Variants in WRN observed in about 807,000 individuals in gnomAD.
WRN encodes WRN RecQ like helicase.
Under a neutral mutation model 180.7 loss-of-function variants are expected in WRN, and 149 were observed. That is an observed-to-expected ratio of 0.82 (90% CI 0.72 to 0.94). WRN has a LOEUF of 0.94. Among genes scored for constraint, WRN ranks in the 40% least tolerant of loss-of-function variants. The probability of loss-of-function intolerance (pLI) is 0.00; values close to 1 mark genes in which losing one functional copy is unlikely to be tolerated. For missense variants in WRN, 1,661 were observed against 1,700.1 expected (o/e 0.98, Z 0.40); for synonymous variants, 548 against 568.9 (o/e 0.96, Z 0.52).
At chr8:31,104,179 A>G (rs1800996230) in intron 18 of WRN, among the ~76,000 whole-genome samples, 1 of 152,194 alleles carries the variant, frequency 6.6e-6, no homozygotes, top group East Asian at 1.9e-4. Flanking sequence ...AGCATTCTAC[A>G]TTCCTGTCAG....
At position 31,073,472 on chromosome 8, in the gene WRN, T is replaced by C. The variant is rs371807071; in HGVS notation, c.725-2701T>C. Among the ~76,000 whole-genome samples, 6 of 152,314 alleles carry C rather than the reference T, an allele frequency of 3.9e-5. No homozygotes were observed. In the East Asian group the frequency reaches 1.2e-3, roughly 29 times the overall value. ...AGAACAGGTTTGGGTGAGAAAACTT[T>C]AGATTTCAGTGTTGGATATCCTAAG... On this transcript the variant is annotated intron_variant, in intron 7 of 34. Transcript: ENST00000298139.
At chr8:31,168,092 A>C (rs1337234471) in intron 34 of WRN, among the ~76,000 whole-genome samples, 2 of 152,080 alleles carry the variant, frequency 1.3e-5, no homozygotes, top group Admixed American at 6.6e-5. Flanking sequence ...GAATTGCTTA[A>C]AAATAAGGGA....
intron 20 of WRN, among the ~76,000 whole-genome samples, chr8:31,116,996 A>G (rs921753161): frequency 2.0e-5 from 3 of 152,132 alleles, no homozygotes; most frequent in Non-Finnish European, 4.4e-5. Flanking sequence ...CAAAGTATGG[A>G]CAAAGAGGCA....
rs10096994 is a variant in WRN at position 31,036,545 on chromosome 8, C to T, written c.-77+2572C>T. Among the ~76,000 whole-genome samples, 538 of 152,306 alleles carry T rather than the reference C, an allele frequency of 3.5e-3. 3 individuals carry two copies. Among genetic ancestry groups the T allele is most frequent in the African/African-American group, 0.013 (526 of 41,566 alleles). On this transcript the variant is annotated intron_variant, in intron 1 of 34. Transcript: ENST00000298139. The stretch of plus-strand genomic sequence containing the variant: ...TTTTGTCTTTTTGGTAATAGCCATT[C>T]TAACAGGTGTGAGGTGATATCTCAT...
rs886062893 is a variant in WRN, at chr8:31,143,583, T to A, written c.3343T>A (p.Cys1115Ser). Residue 1115 changes from cysteine to serine, a missense_variant, in exon 28 of 35, where the codon TGT (cysteine) becomes AGT (serine). This residue lies in a region of WRN where 1,141 missense variants were observed against 1,149.4 expected (regional missense o/e 0.99). Coordinates refer to ENST00000298139, the MANE Select transcript of WRN (RefSeq NM_000553.6). ...NLEKLYSYKPCDKISSGSNIS... is the reference protein window; with the variant it reads ...NLEKLYSYKPSDKISSGSNIS... ...GGAGAAGTTATATTCTTATAAACCATGTGATAAGATTTCTTCTGGGAGTAA... is the reference window on the plus strand; with the variant it reads ...GGAGAAGTTATATTCTTATAAACCAAGTGATAAGATTTCTTCTGGGAGTAA... The A allele has an allele frequency of 1.1e-5, 17 of 1,590,684 alleles. No homozygotes were observed. The highest frequency in any genetic ancestry group is 1.5e-5 in the Non-Finnish European group (17 of 1,159,788).
chr8:31,147,484 A>G lies in WRN; in HGVS notation c.3572+8A>G, dbSNP rs766775839. 7 of 1,553,914 alleles carry G rather than the reference A, an allele frequency of 4.5e-6. No individual in the cohort carries two copies. Among genetic ancestry groups the G allele is most frequent in the Admixed American group, 3.8e-5 (2 of 52,480 alleles). On this transcript the variant is annotated splice_region_variant and intron_variant, in intron 30 of 34. Coordinates refer to ENST00000298139, the MANE Select transcript of WRN (RefSeq NM_000553.6). Reference sequence around the variant, plus strand: ...GGATATGGCCAAAATGAGGTAAACTATCTTTTGCATGTGTTCTATTTATTT... The same window carrying G: ...GGATATGGCCAAAATGAGGTAAACTGTCTTTTGCATGTGTTCTATTTATTT...
rs75187696 is a variant in WRN, at chr8:31,057,867, A to G, written c.-76-505A>G. ...CTCAAAGATATTAACAGATTTTTAAAAAATCCTCTAAAAAACTCATTCTTA... is the reference window on the plus strand; with the variant it reads ...CTCAAAGATATTAACAGATTTTTAAGAAATCCTCTAAAAAACTCATTCTTA... On this transcript the variant is annotated intron_variant, in intron 1 of 34. Coordinates refer to ENST00000298139, the MANE Select transcript of WRN (RefSeq NM_000553.6). 7.0e-3 allele frequency among the ~76,000 whole-genome samples: 1,061 copies of G among 152,280 alleles called. 15 individuals carry two copies. The highest frequency in any genetic ancestry group is 0.025 in the African/African-American group (1,022 of 41,562).
In WRN at chr8:31,167,072, A is replaced by C. The variant is rs774438611; in HGVS notation, c.4033A>C (p.Thr1345Pro). Reference protein sequence around the residue: ...IRMLVPENIDTYLIHMAIEIL... With the variant: ...IRMLVPENIDPYLIHMAIEIL... ...AATGTTAGTTCCTGAAAACATTGAC[A>C]CGTACCTTATCCACATGGCAATTGA... is the stretch of plus-strand genomic sequence containing the variant. The change falls in exon 34 of 35, where the codon ACG becomes CCG. Residue 1345 changes from threonine (T) to proline (P), a missense_variant. Physicochemically the swap from Thr to Pro is conservative, Grantham distance 38. Around this residue, in one of 3 missense-constraint regions of WRN, gnomAD observed 1,141 missense variants for 1,149.4 expected, o/e 0.99. Transcript: ENST00000298139. The C allele has an allele frequency of 6.2e-7, 1 of 1,613,378 alleles. No individual in the cohort carries two copies. Among genetic ancestry groups the C allele is most frequent in the Non-Finnish European group, 8.5e-7 (1 of 1,179,474 alleles).
rs567099359 is a variant in WRN, at chr8:31,175,468, A to T, written c.*2366A>T. Among the ~76,000 whole-genome samples the T allele has an allele frequency of 1.3e-5, 2 of 152,292 alleles. No individual in the cohort carries two copies. The highest frequency in any genetic ancestry group is 3.9e-4 in the East Asian group (2 of 5,190). On this transcript the variant is annotated 3_prime_UTR_variant, in exon 35 of 35. Transcript: ENST00000298139. ...AAAAGAAATCATGACTGGGTAAAAG[A>T]TCTGTTCAGAGTACAAGATGGACCA...
In WRN at chr8:31,071,467, GAA is replaced by G. The variant is rs149928828; in HGVS notation, c.724+3141_724+3142del. Among the ~76,000 whole-genome samples the G allele has an allele frequency of 7.3e-3, 1,115 of 152,228 alleles. 16 individuals are homozygous for G. Among genetic ancestry groups the G allele is most frequent in the African/African-American group, 0.026 (1,075 of 41,536 alleles). On this transcript the variant is annotated intron_variant, in intron 7 of 34. Coordinates refer to ENST00000298139, the MANE Select transcript of WRN (RefSeq NM_000553.6). ...CGGTTAATTGTGTTGAGAATGGAGAGAAGTTGACAGGTTCAAAATTCATTTTT... is the reference window on the plus strand; with the variant it reads ...CGGTTAATTGTGTTGAGAATGGAGAGGTTGACAGGTTCAAAATTCATTTTT...
intron 23 of WRN, among the ~76,000 whole-genome samples, chr8:31,129,377 C>T (rs1180055885): frequency 6.6e-6 from 1 of 152,154 alleles, no homozygotes; most frequent in Non-Finnish European, 1.5e-5. Context: ...GCTGCAAAGC[C>T]TATCATGGCC....
Position 31,065,029 on chromosome 8 carries a change from A to G in WRN, c.470A>G (p.Asn157Ser). 1 of 1,613,628 alleles carries G rather than the reference A, an allele frequency of 6.2e-7. No homozygotes were observed. Residue 157 changes from asparagine (N) to serine (S), a missense_variant, in exon 5 of 35, where the codon AAT (asparagine) becomes AGT (serine). Coordinates refer to ENST00000298139, the MANE Select transcript of WRN (RefSeq NM_000553.6). The part of the protein sequence containing the change: ...LLRDFDIKLK[N>S]FVELTDVANK... ...CGTGACTTTGATATCAAATTGAAGA[A>G]TTTTGTGGAGTTGACAGATGTTGCC...
chr8:31,064,410 T>C lies in WRN; in HGVS notation c.331T>C (p.Leu111=). The C allele has an allele frequency of 6.2e-7, 1 of 1,614,172 alleles. No individual in the cohort carries two copies. The highest frequency in any genetic ancestry group is 8.5e-7 in the Non-Finnish European group (1 of 1,180,010). ...GTGTGTTTCTGAGAGCAAATGTTAC[T>C]TGTTCCACGTTTCTTCCATGTCAGG... ...QLCVSESKCY[L]FHVSSMSVFP... Residue 111 remains leucine, a synonymous_variant, in exon 4 of 35, where the codon TTG becomes CTG. Transcript: ENST00000298139.
Position 31,174,826 on chromosome 8 carries a change from TCCCTCCCTC to T in WRN, c.*1727_*1735del, listed in dbSNP as rs1585557975. On this transcript the variant is annotated 3_prime_UTR_variant, in exon 35 of 35. Coordinates refer to ENST00000298139, the MANE Select transcript of WRN (RefSeq NM_000553.6). ...CTTCCTTCCTTCCTTCCTTCCTCCC[TCCCTCCCTC>T]CCTCCCTCCCTCCCTCCTTTCTTTT... Among the ~76,000 whole-genome samples, 3 of 103,112 alleles carry T rather than the reference TCCCTCCCTC, an allele frequency of 2.9e-5. No homozygotes were observed. In the East Asian group the frequency reaches 1.6e-3, roughly 55 times the overall value. 67.6% of individuals were successfully genotyped at this position (103,112 alleles called of 152,430 possible).
intron 33 of WRN, among the ~76,000 whole-genome samples, chr8:31,159,036 T>A (rs1293328816): frequency 6.6e-6 from 1 of 152,124 alleles, no homozygotes; most frequent in Non-Finnish European, 1.5e-5. Flanking sequence ...TGGTGGCTTG[T>A]GTCTGTAATC....
At chr8:31,140,525 G>A (rs1033020978) in intron 24 of WRN, among the ~76,000 whole-genome samples, 2 of 152,098 alleles carry the variant, frequency 1.3e-5, no homozygotes, top group African/African-American at 4.8e-5. Context: ...CGTCCCGTAG[G>A]AATTCTCCCT....
chr8:31,048,936 A>G (rs1563321629), intron 1 of WRN, among the ~76,000 whole-genome samples: 1 of 152,128 alleles, frequency 6.6e-6, no homozygotes, highest in Non-Finnish European at 1.5e-5. Flanking sequence ...AGATGAGTGT[A>G]TGAATTTCTG....
At chr8:31,042,024 C>T (rs1198980514) in intron 1 of WRN, among the ~76,000 whole-genome samples, 1 of 152,028 alleles carries the variant, frequency 6.6e-6, no homozygotes, top group Non-Finnish European at 1.5e-5. Context: ...TAAGGACTGC[C>T]CAAGGGGTGA....
chr8:31,043,682 C>T (rs780516858), intron 1 of WRN, among the ~76,000 whole-genome samples: 1 of 152,114 alleles, frequency 6.6e-6, no homozygotes, highest in Admixed American at 6.5e-5. Context: ...CTTACAGAAG[C>T]CCTTCATACT....
Sources: gnomAD v4.1 joint callset for allele counts (sites outside exome capture counted in the v4.1 genomes callset) on GRCh38, gnomAD v4.1.1 for gene constraint, gnomAD v4.1.1 regional missense constraint, MANE v1.5 for transcripts, NCBI Gene and HGNC (gene_info 2026-07-23, HGNC 2026-07-21) for gene names.